CPNE4: variants seen among roughly 807,000 people sequenced by gnomAD.
CPNE4 encodes the protein copine-4.
Under a neutral mutation model 67.9 loss-of-function variants are expected in CPNE4, and 25 were observed. That is an observed-to-expected ratio of 0.37 (90% CI 0.27 to 0.51). The LOEUF is 0.51. CPNE4 is among the 20% of genes least tolerant of loss of function. CPNE4 has a pLI of 0.93. For missense variants in CPNE4, 464 were observed against 690.8 expected (o/e 0.67, Z 3.68); for synonymous variants, 242 against 244.9 (o/e 0.99, Z 0.11).
intron 1 of CPNE4, among the ~76,000 whole-genome samples, chr3:131,980,680 C>A (rs2107636213): frequency 6.6e-6 from 1 of 152,248 alleles, no homozygotes; most frequent in African/African-American, 2.4e-5. Context: ...AACTAACCTC[C>A]TGAATTCTTT....
intron 2 of CPNE4, among the ~76,000 whole-genome samples, chr3:131,852,317 A>G (rs576648245): frequency 2.6e-5 from 4 of 152,148 alleles, no homozygotes. Flanking sequence ...GAAGGATAAT[A>G]CATTATAGGT....
intron 7 of CPNE4, among the ~76,000 whole-genome samples, chr3:131,638,557 A>T (rs977206987): frequency 1.3e-5 from 2 of 152,164 alleles, no homozygotes; most frequent in Non-Finnish European, 2.9e-5. Context: ...AATGAGACAG[A>T]TGGCAACATA....
chr3:131,695,493 G>C (rs1048183116), intron 5 of CPNE4, among the ~76,000 whole-genome samples: 4 of 152,176 alleles, frequency 2.6e-5, no homozygotes, highest in Non-Finnish European at 5.9e-5. Flanking sequence ...ACTAAGTGTA[G>C]AGAAACCATT....
At chr3:131,971,255 C>T (rs905079755) in intron 1 of CPNE4, among the ~76,000 whole-genome samples, 5 of 152,178 alleles carry the variant, frequency 3.3e-5, no homozygotes, top group Non-Finnish European at 7.3e-5. Flanking sequence ...AATGTTCTAA[C>T]ACATAATATG....
rs753781570 is a variant in CPNE4, at chr3:131,905,398, C to T, written c.46G>A (p.Gly16Arg). 17 of 1,613,376 alleles carry T rather than the reference C, an allele frequency of 1.1e-5. No individual in the cohort carries two copies. The East Asian group carries it at 2.2e-4, about 21-fold the overall frequency. Residue 16 changes from glycine (G) to arginine (R), a missense_variant, in exon 2 of 16, where the codon GGA (glycine) becomes AGA (arginine). By Grantham distance (125) the Gly-to-Arg change is moderately radical. Coordinates refer to ENST00000429747, the MANE Select transcript of CPNE4 (RefSeq NM_130808.3). ...GTCAGGCAGGGGCTGTTAAAGATTCCCAGTGTGTTGGCAGCGGACTCATAA... is the reference window on the plus strand; with the variant it reads ...GTCAGGCAGGGGCTGTTAAAGATTCTCAGTGTGTTGGCAGCGGACTCATAA... Reference protein sequence around the residue: ...NIYESAANTLGIFNSPCLTKV... With the variant: ...NIYESAANTLRIFNSPCLTKV...
intron 2 of CPNE4, among the ~76,000 whole-genome samples, chr3:131,885,910 G>A (rs2087865977): frequency 6.6e-6 from 1 of 152,236 alleles, no homozygotes; most frequent in African/African-American, 2.4e-5. Context: ...AAGGGAAACA[G>A]AGCATAAAAG....
At chr3:131,771,028 C>T (rs1035224534) in intron 2 of CPNE4, among the ~76,000 whole-genome samples, 4 of 152,084 alleles carry the variant, frequency 2.6e-5, no homozygotes, top group African/African-American at 9.7e-5. Context: ...CATGATAGTC[C>T]TTATCTTGAT....
intron 14 of CPNE4, among the ~76,000 whole-genome samples, chr3:131,547,318 G>A (rs1351826626): frequency 6.6e-6 from 1 of 151,892 alleles, no homozygotes; most frequent in Non-Finnish European, 1.5e-5. Context: ...AGCTGGGCGT[G>A]GTGGCACATG....
chr3:131,901,307 T>C (rs533300600), intron 2 of CPNE4, among the ~76,000 whole-genome samples: 1 of 152,262 alleles, frequency 6.6e-6, no homozygotes, highest in South Asian at 2.1e-4. Context: ...CGATGGAAGA[T>C]GGAAAGCATT....
At chr3:131,614,983 G>C (rs868162515) in intron 7 of CPNE4, among the ~76,000 whole-genome samples, 2 of 152,254 alleles carry the variant, frequency 1.3e-5, no homozygotes, top group South Asian at 4.1e-4. Context: ...AAGTATCCTA[G>C]ATCACTATTC....
At chr3:131,642,284 A>C (rs1245821259) in intron 7 of CPNE4, among the ~76,000 whole-genome samples, 2 of 151,784 alleles carry the variant, frequency 1.3e-5, no homozygotes. Flanking sequence ...ATTTGATGTC[A>C]GCTGAATTGG....
At chr3:131,600,635 CCT>C (rs1939151021) in intron 7 of CPNE4, among the ~76,000 whole-genome samples, 1 of 151,768 alleles carries the variant, frequency 6.6e-6, no homozygotes, top group Non-Finnish European at 1.5e-5. Context: ...TCTGACCCCG[CCT>C]CGAGAGGAAA....
chr3:131,765,221 G>T (rs898149846), intron 2 of CPNE4, among the ~76,000 whole-genome samples: 1 of 152,038 alleles, frequency 6.6e-6, no homozygotes, highest in Non-Finnish European at 1.5e-5. Context: ...CTTCTTCCTG[G>T]GAACTGAAAA....
chr3:131,873,462 T>A (rs909495610), intron 2 of CPNE4, among the ~76,000 whole-genome samples: 7 of 152,306 alleles, frequency 4.6e-5, no homozygotes, highest in South Asian at 2.1e-4. Context: ...ATCTGAATAT[T>A]CTGATCTTTG....
At chr3:131,641,422 C>T (rs1266732479) in intron 7 of CPNE4, among the ~76,000 whole-genome samples, 1 of 152,124 alleles carries the variant, frequency 6.6e-6, no homozygotes, top group Non-Finnish European at 1.5e-5. Context: ...TGCTCAACAT[C>T]ACTAAGTATC....
At chr3:131,905,557 C>T in intron 1 of CPNE4, 113 bp from the exon 2 acceptor site, 1 of 910,276 alleles carries the variant, frequency 1.1e-6, no homozygotes, top group Non-Finnish European at 1.6e-6. Flanking sequence ...CAGTTTCAAA[C>T]ATTGAAGGTA....
chr3:131,709,445 C>G (rs2081506304), intron 3 of CPNE4, among the ~76,000 whole-genome samples: 1 of 152,166 alleles, frequency 6.6e-6, no homozygotes, highest in Non-Finnish European at 1.5e-5. Context: ...GGGACCCAAT[C>G]ATTTAAATGC....
At chr3:131,831,874 T>C (rs1448504911) in intron 2 of CPNE4, among the ~76,000 whole-genome samples, 2 of 152,208 alleles carry the variant, frequency 1.3e-5, no homozygotes, top group African/African-American at 4.8e-5. Flanking sequence ...AGTTGTATTT[T>C]CTTTCATCCA....
At chr3:131,591,181 A>C (rs1461508062) in intron 7 of CPNE4, among the ~76,000 whole-genome samples, 1 of 152,170 alleles carries the variant, frequency 6.6e-6, no homozygotes, top group Non-Finnish European at 1.5e-5. Flanking sequence ...GAGGAAGAAG[A>C]GTGGTTTCTG....
Sources: allele counts gnomAD v4.1 joint callset (sites outside exome capture counted in the v4.1 genomes callset), GRCh38; gene constraint gnomAD v4.1.1; transcripts MANE v1.5; gene names NCBI Gene and HGNC (gene_info 2026-07-23, HGNC 2026-07-21).